Variants in LMLN observed in about 807,000 individuals in gnomAD.
LMLN encodes leishmanolysin-like peptidase.
A neutral mutation model predicts 92.3 loss-of-function variants in LMLN; 70 were observed. The observed-to-expected ratio is 0.76, with a 90% CI of 0.63 to 0.92. The LOEUF is 0.92. LMLN is among the 40% of genes least tolerant of loss of function. The pLI, the probability that LMLN is intolerant of heterozygous loss-of-function variation, is 0.00. For synonymous variants in LMLN, 308 were observed against 296.2 expected, an observed-to-expected ratio of 1.04 and a Z score of -0.41; for missense variants, 691 against 814.6, an observed-to-expected ratio of 0.85 and a Z score of 1.85.
chr3:197,992,610 G>A (rs1419216126), intron 9 of LMLN, among the ~76,000 whole-genome samples: 2 of 152,082 alleles, frequency 1.3e-5, no homozygotes, highest in Non-Finnish European at 2.9e-5. Context: ...ATCTGAACAG[G>A]TTAATAACGA....
At chr3:198,014,562 A>G (rs1269645849) in intron 11 of LMLN, among the ~76,000 whole-genome samples, 33 of 33,100 alleles carry the variant, frequency 1.0e-3, no homozygotes, top group Admixed American at 3.1e-3. Flanking sequence ...TAACTAGTCT[A>G]ACTTCTCTGT....
At chr3:198,036,976 T>C (rs1252756334) in intron 15 of LMLN, among the ~76,000 whole-genome samples, 3 of 152,220 alleles carry the variant, frequency 2.0e-5, no homozygotes, top group Admixed American at 2.0e-4. Context: ...AAGTCAAAGT[T>C]TCTCCACCTC....
chr3:197,998,858 G>A (rs548932688), intron 10 of LMLN, among the ~76,000 whole-genome samples: 5 of 152,294 alleles, frequency 3.3e-5, no homozygotes, highest in African/African-American at 1.2e-4. Flanking sequence ...CAGAGTTGAA[G>A]GTGAGGAAAA....
exon 14 of LMLN, chr3:198,024,675 G>T: frequency 6.3e-7 from 1 of 1,591,570 alleles, no homozygotes. Flanking sequence ...TAAGAACTAT[G>T]GCGCTGAAAA....
At chr3:198,017,394 G>A (rs1722668764) in intron 11 of LMLN, among the ~76,000 whole-genome samples, 8 of 152,162 alleles carry the variant, frequency 5.3e-5, no homozygotes, top group Admixed American at 5.2e-4. Flanking sequence ...AGAAGGGATT[G>A]GTTGAGTGAG....
At chr3:198,040,195 TG>T (rs1224144994) in exon 16 of LMLN, 1 of 152,218 alleles carries the variant, frequency 6.6e-6, no homozygotes, top group East Asian at 1.9e-4. Context: ...GGTATAAGTT[TG>T]GTGTAGAGCC....
chr3:198,042,785 G>A lies in LMLN; in HGVS notation c.*4118G>A, dbSNP rs1723444041. 6.6e-6 allele frequency: 1 copy of A among 152,160 alleles called. No individual in the cohort carries two copies. The highest frequency in any genetic ancestry group is 6.5e-5 in the Admixed American group (1 of 15,288). The allele number at this position is 152,160 out of a possible 1,614,324, so 9.4% of individuals were successfully genotyped here. A position where few individuals can be genotyped will look rare whatever the true frequency, so the allele number is the denominator to read the frequency against. ...CAAGTGAATTTGTCTCAGGTTTTCA[G>A]AAACAAAATTTACAGGAAGGAAGCA... On this transcript the variant is annotated 3_prime_UTR_variant, in exon 16 of 16. Transcript: ENST00000330198. This position sits in a 1 kb window ranked among gnomAD's most constrained non-coding sequence, Gnocchi z 4.2.
rs147445600 is a variant in LMLN at position 198,010,284 on chromosome 3, G to A, written c.1233-8969G>A. On this transcript the variant is annotated intron_variant, in intron 11 of 15. Coordinates refer to ENST00000330198, the Ensembl canonical transcript of LMLN. ...TTCTCCCGACTCAGCCTCCCAAGTAGCTGGGACTACAGGTGCACACCACCA... is the reference window on the plus strand; with the variant it reads ...TTCTCCCGACTCAGCCTCCCAAGTAACTGGGACTACAGGTGCACACCACCA... Among the ~76,000 whole-genome samples the A allele has an allele frequency of 4.5e-3, 679 of 152,146 alleles. 2 individuals carry two copies. Among genetic ancestry groups the A allele is most frequent in the African/African-American group, 0.016 (656 of 41,510 alleles).
intron 10 of LMLN, among the ~76,000 whole-genome samples, chr3:197,997,011 T>TTTTCC (rs1240074858): frequency 4.7e-4 from 67 of 141,984 alleles, no homozygotes; most frequent in Middle Eastern, 3.7e-3. Flanking sequence ...TTTTCTTTTC[T>TTTTCC]TTTCCTTTCT....
At chr3:198,000,360 A>G (rs1722137094) in intron 11 of LMLN, among the ~76,000 whole-genome samples, 1 of 152,246 alleles carries the variant, frequency 6.6e-6, no homozygotes, top group Non-Finnish European at 1.5e-5. Flanking sequence ...TATTAAAACC[A>G]TGAAAATTGT....
chr3:197,984,446 C>A (rs1441537446), intron 7 of LMLN, among the ~76,000 whole-genome samples: 2 of 152,008 alleles, frequency 1.3e-5, no homozygotes, highest in Non-Finnish European at 2.9e-5. Context: ...TACTGAAAGG[C>A]CTTTGGAAGT....
intron 8 of LMLN, among the ~76,000 whole-genome samples, chr3:197,989,109 T>C (rs7373977): frequency 0.38 from 57,371 of 152,096 alleles, 15,404 homozygotes; most frequent in African/African-American, 0.77. Context: ...CCCTGTTCTG[T>C]CTGCTACAGT....
chr3:198,017,748 C>A (rs1423250819), intron 11 of LMLN, among the ~76,000 whole-genome samples: 1 of 152,066 alleles, frequency 6.6e-6, no homozygotes, highest in Non-Finnish European at 1.5e-5. Context: ...GAAACCTGGT[C>A]TCTACTAAAA....
intron 11 of LMLN, among the ~76,000 whole-genome samples, chr3:198,014,157 C>T (rs571845069): frequency 1.2e-4 from 18 of 148,368 alleles, no homozygotes; most frequent in Non-Finnish European, 2.4e-4. Flanking sequence ...ACTAGTCTGA[C>T]TTCTCTGTAC....
intron 12 of LMLN, among the ~76,000 whole-genome samples, chr3:198,020,918 C>T (rs766865069): frequency 2.7e-5 from 4 of 150,702 alleles, no homozygotes; most frequent in South Asian, 2.1e-4. Flanking sequence ...CCACCATGCC[C>T]GGCCATAAAA....
chr3:198,020,854 C>T (rs1405692193), intron 12 of LMLN, among the ~76,000 whole-genome samples: 1 of 138,164 alleles, frequency 7.2e-6, no homozygotes, highest in Non-Finnish European at 1.5e-5. Context: ...AACTCCTGAC[C>T]TCAGGTGATC....
intron 10 of LMLN, 117 bp downstream of exon 10, chr3:197,996,399 A>G: frequency 5.4e-6 from 3 of 553,756 alleles, no homozygotes; most frequent in African/African-American, 3.9e-5. Flanking sequence ...TTACCCCTTC[A>G]GCTCTCCAGA....
intron 1 of LMLN, among the ~76,000 whole-genome samples, chr3:197,971,741 C>T (rs897710138): frequency 7.9e-5 from 12 of 151,932 alleles, no homozygotes; most frequent in African/African-American, 2.4e-4. Context: ...TGAACCACCA[C>T]GCCCAGCCTT....
intron 14 of LMLN, among the ~76,000 whole-genome samples, chr3:198,027,538 G>A (rs1197642902): frequency 6.6e-6 from 1 of 151,962 alleles, no homozygotes; most frequent in Non-Finnish European, 1.5e-5. Flanking sequence ...AGCCCTGACA[G>A]CCTCTATTCT....
Sources: allele counts gnomAD v4.1 joint callset (sites outside exome capture counted in the v4.1 genomes callset), GRCh38; gene constraint gnomAD v4.1.1; non-coding constraint Gnocchi (gnomAD v3.1); transcripts MANE v1.5; gene names NCBI Gene and HGNC (gene_info 2026-07-23, HGNC 2026-07-21).